The following SHC3 variants were observed in gnomAD, a reference collection of about 807,000 sequenced individuals.
SHC3 encodes SHC-transforming protein 3.
SHC3 carries 15 observed loss-of-function variants against 60.4 expected under a neutral mutation model. The observed-to-expected ratio is 0.25, with a 90% confidence interval of 0.17 to 0.38. SHC3 has a LOEUF of 0.38. Ranked by LOEUF, SHC3 falls within the 10% of genes least tolerant of loss-of-function variation. SHC3 has a pLI of 1.00. For missense variants in SHC3, 677 were observed against 786.1 expected (o/e 0.86, Z 1.66); for synonymous variants, 294 against 325.9 (o/e 0.90, Z 1.05).
chr9:89,091,796 T>C (rs1277723577), intron 2 of SHC3, among the ~76,000 whole-genome samples: 1 of 152,214 alleles, frequency 6.6e-6, no homozygotes, highest in African/African-American at 2.4e-5. Flanking sequence ...CCTGGAGACC[T>C]CTATTCTACT....
intron 1 of SHC3, among the ~76,000 whole-genome samples, chr9:89,115,157 A>T (rs1388585534): frequency 6.6e-6 from 1 of 152,212 alleles, no homozygotes; most frequent in Non-Finnish European, 1.5e-5. Context: ...CATGACTGAC[A>T]TCTCAAAGTT....
chr9:89,056,190 G>T (rs745985177), intron 6 of SHC3, among the ~76,000 whole-genome samples: 2 of 152,178 alleles, frequency 1.3e-5, no homozygotes, highest in Non-Finnish European at 2.9e-5. Flanking sequence ...GTGAAATGCA[G>T]CCTGTGAAGT....
chr9:89,154,327 T>C (rs548505180), intron 1 of SHC3, among the ~76,000 whole-genome samples: 16 of 152,040 alleles, frequency 1.1e-4, no homozygotes, highest in Admixed American at 2.6e-4. Flanking sequence ...CGATTTAGAG[T>C]TAAGTAAAGT....
chr9:89,169,935 G>A (rs1205671409), intron 1 of SHC3, among the ~76,000 whole-genome samples: 1 of 152,218 alleles, frequency 6.6e-6, no homozygotes, highest in East Asian at 1.9e-4. Context: ...GCTGCAAGCG[G>A]AGGAGGTGGA....
intron 2 of SHC3, among the ~76,000 whole-genome samples, chr9:89,097,765 G>A (rs573147129): frequency 1.4e-3 from 213 of 152,306 alleles, no homozygotes; most frequent in African/African-American, 4.9e-3. Context: ...GTTCGTCAAG[G>A]AATCTCAAAC....
chr9:89,026,207 T>A (rs949728360), intron 11 of SHC3, among the ~76,000 whole-genome samples: 4 of 144,794 alleles, frequency 2.8e-5, no homozygotes, highest in African/African-American at 1.0e-4. Context: ...TGAGCTGAGA[T>A]TGCGCCACTG....
chr9:89,011,720 T>C lies in SHC3; in HGVS notation c.*1727A>G, dbSNP rs1315932811. The C allele has an allele frequency of 6.6e-6, 1 of 152,250 alleles. No individual in the cohort carries two copies. The allele number at this position is 152,250 out of a possible 1,614,324, so 9.4% of individuals were successfully genotyped here. A position where few individuals can be genotyped will look rare whatever the true frequency, so the allele number is the denominator to read the frequency against. On this transcript the variant is annotated 3_prime_UTR_variant, in exon 12 of 12. Coordinates refer to ENST00000375835, the MANE Select transcript of SHC3 (RefSeq NM_016848.6). ...AAAACAGCAGTGCAGTCTACAGTAG[T>C]GTCAGACTCTCCAGAGTTTCAATCC...
At chr9:89,171,129 G>A (rs546389393) in intron 1 of SHC3, among the ~76,000 whole-genome samples, 2 of 152,262 alleles carry the variant, frequency 1.3e-5, no homozygotes, top group African/African-American at 4.8e-5. Context: ...AGCCATCTGT[G>A]ACTCCTGCTT....
chr9:89,127,716 G>A lies in SHC3; in HGVS notation c.475-15090C>T, dbSNP rs1003005358. Among the ~76,000 whole-genome samples, 5 of 151,788 alleles carry A rather than the reference G, an allele frequency of 3.3e-5. No individual in the cohort carries two copies. In the East Asian group the frequency reaches 5.8e-4, roughly 18 times the overall value. ...GTTATGGGGGGATACTTGCCTCTTC[G>A]CATGTTTGTATTAGAGAAGTATGCT... On this transcript the variant is annotated intron_variant, in intron 1 of 11. Coordinates refer to ENST00000375835, the MANE Select transcript of SHC3 (RefSeq NM_016848.6).
At chr9:89,044,471 A>C (rs1467535685) in intron 9 of SHC3, among the ~76,000 whole-genome samples, 1 of 152,238 alleles carries the variant, frequency 6.6e-6, no homozygotes, top group African/African-American at 2.4e-5. Context: ...ATGAAGGAAT[A>C]AGCCTCAACA....
intron 2 of SHC3, among the ~76,000 whole-genome samples, chr9:89,085,839 T>C (rs576556367): frequency 1.3e-5 from 2 of 152,294 alleles, no homozygotes; most frequent in South Asian, 2.1e-4. Flanking sequence ...CGCCTCCTCA[T>C]CAACCTGGCA....
chr9:89,074,639 C>G (rs549497342), intron 4 of SHC3, among the ~76,000 whole-genome samples: 7 of 143,808 alleles, frequency 4.9e-5, no homozygotes, highest in Non-Finnish European at 1.5e-5. Flanking sequence ...CTTCTTATTA[C>G]CCCTACAACA....
chr9:89,034,150 T>G (rs1824534815), intron 11 of SHC3, among the ~76,000 whole-genome samples: 2 of 152,150 alleles, frequency 1.3e-5, no homozygotes, highest in Admixed American at 1.3e-4. Context: ...AATTATTATC[T>G]CAAAAGGTGC....
At chr9:89,132,290 C>A (rs1826258155) in intron 1 of SHC3, among the ~76,000 whole-genome samples, 1 of 152,192 alleles carries the variant, frequency 6.6e-6, no homozygotes, top group African/African-American at 2.4e-5. Context: ...ACATTCCATG[C>A]TCATGGATAG....
intron 9 of SHC3, among the ~76,000 whole-genome samples, chr9:89,043,610 A>G (rs1824723693): frequency 6.6e-6 from 1 of 152,108 alleles, no homozygotes; most frequent in Non-Finnish European, 1.5e-5. Flanking sequence ...GCAAATTAAT[A>G]AGTGACATTC....
Position 89,170,829 on chromosome 9 carries a change from G to T in SHC3, c.474+7158C>A, listed in dbSNP as rs551704818. 3.3e-5 allele frequency among the ~76,000 whole-genome samples: 5 copies of T among 152,246 alleles called. No homozygotes were observed. The East Asian group carries it at 9.6e-4, about 29-fold the overall frequency. ...CATTATAATAGATATTCGTAATCTA[G>T]AGATATTACATTTATAGTATACGGT... On this transcript the variant is annotated intron_variant, in intron 1 of 11. Coordinates refer to ENST00000375835, the MANE Select transcript of SHC3 (RefSeq NM_016848.6).
At chr9:89,140,150 G>C (rs750710560) in intron 1 of SHC3, among the ~76,000 whole-genome samples, 1 of 152,146 alleles carries the variant, frequency 6.6e-6, no homozygotes, top group Non-Finnish European at 1.5e-5. Context: ...ACCAATGAAA[G>C]CTTCTTTTTT....
chr9:89,116,704 A>T (rs925939506), intron 1 of SHC3, among the ~76,000 whole-genome samples: 2 of 152,230 alleles, frequency 1.3e-5, no homozygotes, highest in African/African-American at 4.8e-5. Flanking sequence ...TTATGTAAAT[A>T]TCGCCATCAA....
intron 2 of SHC3, among the ~76,000 whole-genome samples, chr9:89,098,121 A>T (rs531988062): frequency 1.3e-5 from 2 of 152,358 alleles, no homozygotes; most frequent in African/African-American, 4.8e-5. Context: ...TAATCATGAG[A>T]CAGCAATAGG....
Sources: gnomAD v4.1 joint callset for allele counts (sites outside exome capture counted in the v4.1 genomes callset) on GRCh38, gnomAD v4.1.1 for gene constraint, MANE v1.5 for transcripts, NCBI Gene and HGNC (gene_info 2026-07-23, HGNC 2026-07-21) for gene names.